MMP16: variants seen among roughly 807,000 people sequenced by gnomAD.
The protein encoded by MMP16 is matrix metallopeptidase 16, also known as matrix metalloproteinase-16.
A neutral mutation model predicts 67.8 loss-of-function variants in MMP16; 12 were observed. The ratio of observed to expected loss-of-function variants is 0.18; its 90% CI spans 0.11 to 0.29. The LOEUF (loss-of-function observed/expected upper bound fraction) is 0.29. MMP16 is among the 10% of genes least tolerant of loss of function. The pLI, the probability that MMP16 is intolerant of heterozygous loss-of-function variation, is 1.00. For missense variants in MMP16, 475 were observed against 765.7 expected (o/e 0.62, Z 4.48); for synonymous variants, 249 against 255.9 (o/e 0.97, Z 0.26).
Position 88,291,897 on chromosome 8 carries a change from T to C in MMP16, c.132+35178A>G, listed in dbSNP as rs536896812. Among the ~76,000 whole-genome samples the C allele has an allele frequency of 3.3e-5, 5 of 152,316 alleles. No homozygotes were observed. The Middle Eastern group carries it at 0.017, about 518-fold the overall frequency. ...TTCACTAGATGCTTTGTAAGCATTATCTGTAATCCTCGTGTTAGTAGTACT... is the reference window on the plus strand; with the variant it reads ...TTCACTAGATGCTTTGTAAGCATTACCTGTAATCCTCGTGTTAGTAGTACT... On this transcript the variant is annotated intron_variant, in intron 1 of 9. Transcript: ENST00000286614.
intron 1 of MMP16, among the ~76,000 whole-genome samples, chr8:88,269,103 CT>C (rs1450690895): frequency 6.6e-6 from 1 of 152,154 alleles, no homozygotes; most frequent in Non-Finnish European, 1.5e-5. Context: ...CTCTTATAGA[CT>C]TTGCAGAACA....
chr8:88,200,552 G>T (rs1809327469), intron 1 of MMP16, among the ~76,000 whole-genome samples: 1 of 151,986 alleles, frequency 6.6e-6, no homozygotes, highest in African/African-American at 2.4e-5. Flanking sequence ...GGAACAACCA[G>T]AAGACTGTTG....
intron 1 of MMP16, among the ~76,000 whole-genome samples, chr8:88,239,255 A>G (rs1288774152): frequency 7.8e-6 from 1 of 127,422 alleles, no homozygotes; most frequent in African/African-American, 2.9e-5. Flanking sequence ...AGATTGTGCC[A>G]TTGCACTCTA....
At chr8:88,285,131 T>TTTGTTG (rs902991529) in intron 1 of MMP16, among the ~76,000 whole-genome samples, 3 of 152,046 alleles carry the variant, frequency 2.0e-5, no homozygotes, top group African/African-American at 7.2e-5. Context: ...TTTATTTGTT[T>TTTGTTG]TTGTTGTTGT....
At chr8:88,300,057 A>G (rs972675039) in intron 1 of MMP16, among the ~76,000 whole-genome samples, 1 of 152,222 alleles carries the variant, frequency 6.6e-6, no homozygotes, top group Non-Finnish European at 1.5e-5. Context: ...AAACATACAC[A>G]TTAAAAAGGT....
At chr8:88,052,030 C>A (rs1430383135) in intron 8 of MMP16, among the ~76,000 whole-genome samples, 4 of 152,152 alleles carry the variant, frequency 2.6e-5, no homozygotes, top group Non-Finnish European at 4.4e-5. Flanking sequence ...ACCGTCATTT[C>A]ATCTACTCTC....
intron 1 of MMP16, among the ~76,000 whole-genome samples, chr8:88,237,960 GT>G: frequency 6.6e-6 from 1 of 152,312 alleles, no homozygotes; most frequent in Admixed American, 6.5e-5. Flanking sequence ...TGGGTCATCA[GT>G]CAATCTAAAG....
chr8:88,212,120 C>A (rs1232174758), intron 1 of MMP16, among the ~76,000 whole-genome samples: 2 of 152,090 alleles, frequency 1.3e-5, no homozygotes, highest in African/African-American at 4.8e-5. Flanking sequence ...ATCTGTGTTT[C>A]TCTTGCCTCT....
intron 1 of MMP16, among the ~76,000 whole-genome samples, chr8:88,199,736 G>C (rs1809311860): frequency 6.6e-6 from 1 of 151,862 alleles, no homozygotes; most frequent in African/African-American, 2.4e-5. Context: ...TATCTGTAAA[G>C]ATATATACAT....
chr8:88,056,029 C>G, intron 8 of MMP16, 99 bp downstream of exon 8: 1 of 912,964 alleles, frequency 1.1e-6, no homozygotes, highest in East Asian at 3.0e-5. Context: ...TTAAATCCAC[C>G]AGGATTCTTC....
chr8:88,324,720 G>C (rs1415200612), intron 1 of MMP16, among the ~76,000 whole-genome samples: 12 of 152,124 alleles, frequency 7.9e-5, no homozygotes, highest in Non-Finnish European at 1.3e-4. Context: ...GAGAGGAAGT[G>C]ATGGACCATT....
chr8:88,140,110 T>C (rs977520612), intron 4 of MMP16, among the ~76,000 whole-genome samples: 12 of 152,270 alleles, frequency 7.9e-5, no homozygotes, highest in African/African-American at 2.6e-4. Context: ...TGGGTCTGCA[T>C]TCTTCTCTAG....
At chr8:88,060,678 T>TAG (rs1294669485) in intron 7 of MMP16, among the ~76,000 whole-genome samples, 2 of 152,062 alleles carry the variant, frequency 1.3e-5, no homozygotes, top group African/African-American at 4.8e-5. Flanking sequence ...CTTCATCTTA[T>TAG]TACTTAGTAC....
At chr8:88,191,909 G>A (rs998464478) in intron 2 of MMP16, among the ~76,000 whole-genome samples, 14 of 152,174 alleles carry the variant, frequency 9.2e-5, no homozygotes, top group Non-Finnish European at 1.9e-4. Context: ...CTGCCACACA[G>A]TGGCTCTGTG....
intron 1 of MMP16, among the ~76,000 whole-genome samples, chr8:88,217,886 A>C (rs1197655561): frequency 6.6e-6 from 1 of 152,080 alleles, no homozygotes; most frequent in African/African-American, 2.4e-5. Flanking sequence ...TCTTTAAATC[A>C]CAAGTAATGC....
intron 9 of MMP16, among the ~76,000 whole-genome samples, chr8:88,043,291 C>T (rs996344272): frequency 6.6e-6 from 1 of 152,098 alleles, no homozygotes. Flanking sequence ...CATCTCCTGT[C>T]TTTGTTTTTT....
At chr8:88,307,507 G>C (rs1197803686) in intron 1 of MMP16, among the ~76,000 whole-genome samples, 1 of 152,016 alleles carries the variant, frequency 6.6e-6, no homozygotes, top group Non-Finnish European at 1.5e-5. Flanking sequence ...GGCTGGTCAT[G>C]CTATGTCCTC....
At chr8:88,297,535 T>C (rs1811031656) in intron 1 of MMP16, among the ~76,000 whole-genome samples, 1 of 152,124 alleles carries the variant, frequency 6.6e-6, no homozygotes, top group African/African-American at 2.4e-5. Context: ...AGAAAAGAAA[T>C]GGCAGCACTT....
At chr8:88,271,478 G>A (rs1810561236) in intron 1 of MMP16, among the ~76,000 whole-genome samples, 1 of 151,578 alleles carries the variant, frequency 6.6e-6, no homozygotes, top group Admixed American at 6.6e-5. Flanking sequence ...TCACAGATTT[G>A]GATTTTATTT....
Sources: gnomAD v4.1 joint callset for allele counts (sites outside exome capture counted in the v4.1 genomes callset) on GRCh38, gnomAD v4.1.1 for gene constraint, MANE v1.5 for transcripts, NCBI Gene and HGNC (gene_info 2026-07-23, HGNC 2026-07-21) for gene names.